Variants in ERC2 observed in about 807,000 individuals in gnomAD.
ERC2 encodes the protein ELKS/RAB6-interacting/CAST family member 2, also known as ERC protein 2.
A neutral mutation model predicts 114.8 loss-of-function variants in ERC2; 42 were observed. The ratio of observed to expected loss-of-function variants is 0.37; its 90% CI spans 0.29 to 0.47. The LOEUF (loss-of-function observed/expected upper bound fraction) is 0.47. Among genes scored for constraint, ERC2 ranks in the 20% least tolerant of loss-of-function variants. The pLI is 0.99. For missense variants in ERC2, 939 were observed against 1,150.7 expected (o/e 0.82, Z 2.66); for synonymous variants, 454 against 425.5 (o/e 1.07, Z -0.82).
chr3:55,743,593 C>A (rs374524088), intron 14 of ERC2, among the ~76,000 whole-genome samples: 757 of 96,962 alleles, frequency 7.8e-3, no homozygotes, highest in African/African-American at 0.011. Context: ...CCTGATCCAC[C>A]AAAAAAAAAA....
At chr3:55,845,503 CAAA>C (rs764740068) in intron 14 of ERC2, among the ~76,000 whole-genome samples, 27 of 64,030 alleles carry the variant, frequency 4.2e-4, no homozygotes, top group South Asian at 3.6e-3. Context: ...GACTCCGTCT[CAAA>C]AAAAAAAAAA....
chr3:55,653,244 T>G (rs1296203986), intron 17 of ERC2, among the ~76,000 whole-genome samples: 1 of 152,146 alleles, frequency 6.6e-6, no homozygotes, highest in East Asian at 1.9e-4. Context: ...ATATTCAAAA[T>G]CATCATTTCT....
intron 6 of ERC2, among the ~76,000 whole-genome samples, chr3:56,093,149 G>T (rs751741330): frequency 8.5e-5 from 13 of 152,086 alleles, no homozygotes; most frequent in Non-Finnish European, 1.8e-4. Context: ...TGGAGGATGG[G>T]GACTTGTGTT....
chr3:55,734,722 C>T (rs751466988), intron 15 of ERC2, 49 bp downstream of exon 15: 1 of 1,562,262 alleles, frequency 6.4e-7, no homozygotes, highest in South Asian at 1.2e-5. Flanking sequence ...GAGAAAGCCC[C>T]CAAAGCCCCA....
At chr3:55,847,315 C>G (rs948371633) in intron 14 of ERC2, among the ~76,000 whole-genome samples, 2 of 152,092 alleles carry the variant, frequency 1.3e-5, no homozygotes, top group African/African-American at 4.8e-5. Flanking sequence ...GGGAGGGGAG[C>G]CTTCCACATT....
chr3:55,568,246 C>T (rs984301141), intron 17 of ERC2, among the ~76,000 whole-genome samples: 2 of 152,122 alleles, frequency 1.3e-5, no homozygotes, highest in African/African-American at 4.8e-5. Flanking sequence ...TATGTGGGCA[C>T]GAGGAGCCCA....
chr3:56,468,104 CG>C (rs10714317), intron 1 of ERC2, 143 bp downstream of exon 1: 52,624 of 151,168 alleles, frequency 0.35, 9,528 homozygotes, highest in Admixed American at 0.48. Context: ...CCGTAGGAGG[CG>C]GATGGTTCAC....
chr3:56,417,923 G>A (rs974016525), intron 2 of ERC2, among the ~76,000 whole-genome samples: 6 of 152,172 alleles, frequency 3.9e-5, no homozygotes, highest in African/African-American at 1.4e-4. Flanking sequence ...TCTGATAAGT[G>A]TTAAGTAGGG....
intron 17 of ERC2, among the ~76,000 whole-genome samples, chr3:55,669,329 T>C (rs2148729932): frequency 6.6e-6 from 1 of 152,340 alleles, no homozygotes; most frequent in Middle Eastern, 3.4e-3. Flanking sequence ...ATACCCTGCT[T>C]GCACAATTCC....
intron 2 of ERC2, among the ~76,000 whole-genome samples, chr3:56,311,504 T>G (rs1010658749): frequency 1.3e-4 from 19 of 151,508 alleles, no homozygotes; most frequent in African/African-American, 3.9e-4. Flanking sequence ...TTTCACCGTG[T>G]TAGCCACGGT....
chr3:56,184,056 A>G (rs1222787416), intron 3 of ERC2, among the ~76,000 whole-genome samples: 1 of 152,110 alleles, frequency 6.6e-6, no homozygotes, highest in Non-Finnish European at 1.5e-5. Context: ...GCCTAAAACT[A>G]TGCTATCTGA....
intron 3 of ERC2, among the ~76,000 whole-genome samples, chr3:56,183,865 T>A (rs2083433502): frequency 6.6e-6 from 1 of 152,088 alleles, no homozygotes; most frequent in Non-Finnish European, 1.5e-5. Context: ...CAGAATGTAT[T>A]AGCCCATATA....
At chr3:56,413,433 C>A (rs940648362) in intron 2 of ERC2, among the ~76,000 whole-genome samples, 1 of 152,140 alleles carries the variant, frequency 6.6e-6, no homozygotes, top group African/African-American at 2.4e-5. Context: ...GCAGGTATGG[C>A]CATCTTGGGT....
chr3:55,618,191 T>C (rs892496057), intron 17 of ERC2, among the ~76,000 whole-genome samples: 1 of 152,026 alleles, frequency 6.6e-6, no homozygotes, highest in African/African-American at 2.4e-5. Flanking sequence ...AGAAAAATAC[T>C]GAGAGCTCTT....
chr3:56,461,194 A>G (rs2063303769), intron 1 of ERC2, among the ~76,000 whole-genome samples: 1 of 152,204 alleles, frequency 6.6e-6, no homozygotes. Context: ...CAAGCTGGCC[A>G]GGCTTCAGGT....
chr3:55,727,036 G>A (rs1477728675), intron 15 of ERC2, among the ~76,000 whole-genome samples: 1 of 152,200 alleles, frequency 6.6e-6, no homozygotes, highest in Non-Finnish European at 1.5e-5. Context: ...TCAGCACACA[G>A]GGGAGCATTT....
intron 17 of ERC2, among the ~76,000 whole-genome samples, chr3:55,643,374 G>T (rs944387012): frequency 6.6e-6 from 1 of 152,214 alleles, no homozygotes; most frequent in Non-Finnish European, 1.5e-5. Context: ...TGGATATAGA[G>T]CACTGGCAAG....
chr3:56,074,049 T>A (rs2076861416), intron 7 of ERC2, among the ~76,000 whole-genome samples: 1 of 152,168 alleles, frequency 6.6e-6, no homozygotes, highest in African/African-American at 2.4e-5. Flanking sequence ...CTCTGCTGGT[T>A]TTGTCCTAAA....
chr3:56,142,262 T>C (rs760892911), intron 5 of ERC2, among the ~76,000 whole-genome samples: 14 of 152,206 alleles, frequency 9.2e-5, no homozygotes, highest in Non-Finnish European at 1.6e-4. Context: ...TTTATGATTA[T>C]GTCTTCCTTT....
Sources: allele counts gnomAD v4.1 joint callset (sites outside exome capture counted in the v4.1 genomes callset), GRCh38; gene constraint gnomAD v4.1.1; transcripts MANE v1.5; gene names NCBI Gene and HGNC (gene_info 2026-07-23, HGNC 2026-07-21).